Variants in BLTP3B observed in about 807,000 individuals in gnomAD.
BLTP3B encodes bridge-like lipid transfer protein family member 3B.
At chr12:100,065,098 A>G in the BLTP3B span, among the ~76,000 whole-genome samples, 2 of 152,300 alleles carry the variant, frequency 1.3e-5, no homozygotes, top group South Asian at 4.1e-4. Context: ...GCAGAGGAGT[A>G]TAAATTGTGA....
At chr12:100,113,683 C>T in the BLTP3B span, among the ~76,000 whole-genome samples, 2 of 151,158 alleles carry the variant, frequency 1.3e-5, no homozygotes, top group African/African-American at 4.9e-5. Context: ...ATAGGCCAGA[C>T]AGGTTGGCTC....
At chr12:100,113,891 T>C in the BLTP3B span, among the ~76,000 whole-genome samples, 1 of 152,224 alleles carries the variant, frequency 6.6e-6, no homozygotes. Context: ...GCATGTTAGA[T>C]TGTTTAATTA....
the BLTP3B span, among the ~76,000 whole-genome samples, chr12:100,094,366 C>T: frequency 6.6e-6 from 1 of 152,116 alleles, no homozygotes; most frequent in East Asian, 1.9e-4. Context: ...CTGCCTCAGC[C>T]TCCCAAAGTA....
At chr12:100,105,939 C>A in the BLTP3B span, among the ~76,000 whole-genome samples, 1 of 151,994 alleles carries the variant, frequency 6.6e-6, no homozygotes, top group Non-Finnish European at 1.5e-5. Flanking sequence ...AAATGGCCAA[C>A]AACCACATGA....
chr12:100,125,370 C>G, the BLTP3B span, among the ~76,000 whole-genome samples: 14 of 148,794 alleles, frequency 9.4e-5, no homozygotes, highest in South Asian at 3.0e-3. Flanking sequence ...GGGCATCAGG[C>G]TGGGTATGGT....
chr12:100,117,584 C>T, the BLTP3B span, among the ~76,000 whole-genome samples: 338 of 151,930 alleles, frequency 2.2e-3, 3 homozygotes, highest in African/African-American at 7.6e-3. Flanking sequence ...CCTGCCTCGA[C>T]CTCCTAAGAT....
the BLTP3B span, among the ~76,000 whole-genome samples, chr12:100,122,426 G>A: frequency 6.6e-6 from 1 of 152,048 alleles, no homozygotes; most frequent in Non-Finnish European, 1.5e-5. Flanking sequence ...AGTTTAAGAG[G>A]TATTTTAGGA....
the BLTP3B span, among the ~76,000 whole-genome samples, chr12:100,085,353 A>G: frequency 6.6e-6 from 1 of 152,138 alleles, no homozygotes; most frequent in Non-Finnish European, 1.5e-5. Flanking sequence ...GATCAAAAAA[A>G]AAAAAGAAAA....
chr12:100,081,200 A>C, the BLTP3B span, among the ~76,000 whole-genome samples: 1 of 152,196 alleles, frequency 6.6e-6, no homozygotes, highest in Non-Finnish European at 1.5e-5. Context: ...CTTTATCAGA[A>C]GCATGAAAAT....
the BLTP3B span, among the ~76,000 whole-genome samples, chr12:100,074,098 G>A: frequency 1.3e-5 from 2 of 152,122 alleles, no homozygotes; most frequent in Non-Finnish European, 2.9e-5. Flanking sequence ...CTGACAATAT[G>A]ATTCTATACC....
At chr12:100,038,945 T>C in the BLTP3B span, among the ~76,000 whole-genome samples, 4 of 152,218 alleles carry the variant, frequency 2.6e-5, no homozygotes, top group South Asian at 2.1e-4. Flanking sequence ...ATCTGTAGTA[T>C]AGCATCTGAC....
the BLTP3B span, chr12:100,059,360 T>G: frequency 5.6e-6 from 9 of 1,613,912 alleles, no homozygotes; most frequent in African/African-American, 2.7e-5. Context: ...AGCTGGTATA[T>G]GTTTTACTAA....
chr12:100,084,377 ATCAC>A, the BLTP3B span: 2 of 1,039,864 alleles, frequency 1.9e-6, no homozygotes, highest in Non-Finnish European at 2.6e-6. Context: ...AAATACTATG[ATCAC>A]ACACACACAC....
the BLTP3B span, among the ~76,000 whole-genome samples, chr12:100,042,225 C>A: frequency 2.2e-3 from 338 of 152,184 alleles, no homozygotes; most frequent in African/African-American, 7.8e-3. Flanking sequence ...GAGCTGGCGT[C>A]TTTGTAGAAA....
the BLTP3B span, chr12:100,102,980 C>T: frequency 1.7e-6 from 1 of 580,688 alleles, no homozygotes; most frequent in Non-Finnish European, 2.7e-6. Context: ...TGAGCAGAGT[C>T]ATTTAAGTGC....
At chr12:100,140,634 G>C in the BLTP3B span, among the ~76,000 whole-genome samples, 1 of 142,832 alleles carries the variant, frequency 7.0e-6, no homozygotes, top group African/African-American at 2.6e-5. Context: ...GAAGCCAGGA[G>C]GCAGAGGCTG....
the BLTP3B span, among the ~76,000 whole-genome samples, chr12:100,074,776 G>A: frequency 6.6e-5 from 10 of 151,970 alleles, no homozygotes; most frequent in Non-Finnish European, 1.3e-4. Context: ...CAAAGCTGGA[G>A]ACATTACATA....
At chr12:100,138,882 C>CAT in the BLTP3B span, among the ~76,000 whole-genome samples, 2 of 150,856 alleles carry the variant, frequency 1.3e-5, no homozygotes. Flanking sequence ...CACACACACA[C>CAT]ACACTAATGT....
At chr12:100,091,904 G>A in the BLTP3B span, among the ~76,000 whole-genome samples, 47 of 151,618 alleles carry the variant, frequency 3.1e-4, no homozygotes, top group East Asian at 8.7e-3. Context: ...CACCTCCCAG[G>A]TTTGAGAGAC....
Sources: gnomAD v4.1 joint callset for allele counts (sites outside exome capture counted in the v4.1 genomes callset) on GRCh38, gnomAD v4.1.1 for gene constraint, MANE v1.5 for transcripts, NCBI Gene and HGNC (gene_info 2026-07-23, HGNC 2026-07-21) for gene names.